RARB: variants seen among roughly 807,000 people sequenced by gnomAD.
RARB encodes the protein HBV-activated protein.
A neutral mutation model predicts 51.9 loss-of-function variants in RARB; 17 were observed. That is an observed-to-expected ratio of 0.33 (90% CI 0.22 to 0.49). RARB has a LOEUF of 0.49. Ranked by LOEUF, RARB falls within the 20% of genes least tolerant of loss-of-function variation. The probability of loss-of-function intolerance (pLI) is 0.99; values close to 1 mark genes in which losing one functional copy is unlikely to be tolerated. For synonymous variants in RARB, 215 were observed against 195.4 expected (o/e 1.10, Z -0.84); for missense variants, 369 against 550.8 (o/e 0.67, Z 3.30).
intron 2 of RARB, among the ~76,000 whole-genome samples, chr3:25,040,434 A>G (rs1192062393): frequency 6.6e-6 from 1 of 152,112 alleles, no homozygotes; most frequent in East Asian, 1.9e-4. Flanking sequence ...TCCTTGATAT[A>G]TTAGAATTCA....
At chr3:24,855,744 A>AT (rs34706427) in intron 1 of RARB, among the ~76,000 whole-genome samples, 23,505 of 110,112 alleles carry the variant, frequency 0.21, 3,792 homozygotes, top group East Asian at 0.56. Context: ...GGAAATCTGC[A>AT]TTTTTTTTTT....
chr3:24,902,043 A>G (rs1317130354), intron 2 of RARB, among the ~76,000 whole-genome samples: 2 of 151,736 alleles, frequency 1.3e-5, no homozygotes, highest in East Asian at 1.9e-4. Context: ...GAAAACATAC[A>G]TAAGGAAAGA....
chr3:25,250,816 T>A (rs1439353971), intron 5 of RARB, among the ~76,000 whole-genome samples: 1 of 152,228 alleles, frequency 6.6e-6, no homozygotes, highest in East Asian at 1.9e-4. Flanking sequence ...TTCAGGCAGC[T>A]CCCTGTGTTA....
intron 2 of RARB, among the ~76,000 whole-genome samples, chr3:24,874,067 T>G (rs544652451): frequency 1.3e-5 from 2 of 152,088 alleles, no homozygotes; most frequent in African/African-American, 2.4e-5. Flanking sequence ...ATTTGAAATA[T>G]ACGAGAGGAT....
At chr3:25,446,953 TGGC>T (rs1360671950) in intron 1 of RARB, among the ~76,000 whole-genome samples, 2 of 151,972 alleles carry the variant, frequency 1.3e-5, no homozygotes, top group East Asian at 3.8e-4. Flanking sequence ...TGTGTGACCT[TGGC>T]CAAGTCATTT....
At chr3:25,077,952 A>T (rs1002125328) in intron 3 of RARB, among the ~76,000 whole-genome samples, 1 of 151,952 alleles carries the variant, frequency 6.6e-6, no homozygotes, top group East Asian at 1.9e-4. Flanking sequence ...GAAGCTGACC[A>T]TTTTTTCCCA....
chr3:25,268,254 C>T (rs322704), intron 5 of RARB, among the ~76,000 whole-genome samples: 4,251 of 152,116 alleles, frequency 0.028, 78 homozygotes, highest in Non-Finnish European at 0.044. Flanking sequence ...GGTAGATCCA[C>T]CATTGAAGGG....
At chr3:25,081,600 TATATATATATATATATATATA>T (rs1334662444) in intron 3 of RARB, among the ~76,000 whole-genome samples, 4 of 18,332 alleles carry the variant, frequency 2.2e-4, no homozygotes, top group Non-Finnish European at 3.9e-4. Context: ...TATATATATA[TATATATATATATATATATATA>T]TTTTTTTTTT....
chr3:25,373,647 G>A (rs1478584814), intron 5 of RARB, among the ~76,000 whole-genome samples: 5 of 152,132 alleles, frequency 3.3e-5, no homozygotes, highest in Non-Finnish European at 7.3e-5. Flanking sequence ...ATAGTCTTAA[G>A]ATCTGTACTG....
chr3:25,210,502 C>G (rs976191145), intron 5 of RARB, among the ~76,000 whole-genome samples: 2 of 124,956 alleles, frequency 1.6e-5, no homozygotes, highest in Middle Eastern at 4.6e-3. Context: ...CATCTGACCC[C>G]TGAAAGCCTG....
intron 3 of RARB, among the ~76,000 whole-genome samples, chr3:25,084,396 A>G (rs1190777825): frequency 6.6e-6 from 1 of 152,128 alleles, no homozygotes; most frequent in South Asian, 2.1e-4. Flanking sequence ...CCATGGAAGT[A>G]TATACACAAG....
chr3:25,373,761 T>C (rs1706375496), intron 5 of RARB, among the ~76,000 whole-genome samples: 1 of 152,154 alleles, frequency 6.6e-6, no homozygotes, highest in Admixed American at 6.5e-5. Context: ...CTTCTAACTT[T>C]AAGAGCCCAT....
chr3:25,534,553 T>C (rs1031939386), intron 3 of RARB, among the ~76,000 whole-genome samples: 22 of 152,300 alleles, frequency 1.4e-4, no homozygotes, highest in African/African-American at 4.8e-4. Context: ...TATCTGGGTG[T>C]AACAGGTTCC....
chr3:25,224,890 C>T (rs1167429400), intron 5 of RARB, among the ~76,000 whole-genome samples: 1 of 152,112 alleles, frequency 6.6e-6, no homozygotes, highest in East Asian at 1.9e-4. Flanking sequence ...CAAGTGTCAG[C>T]CACAGTGCCA....
chr3:25,038,200 A>T (rs1261317272), intron 2 of RARB, among the ~76,000 whole-genome samples: 2 of 152,178 alleles, frequency 1.3e-5, no homozygotes, highest in African/African-American at 4.8e-5. Context: ...CATTTTTGTG[A>T]TGAAGGAATT....
chr3:24,978,196 A>G (rs1428160533), intron 2 of RARB, among the ~76,000 whole-genome samples: 1 of 151,482 alleles, frequency 6.6e-6, no homozygotes, highest in African/African-American at 2.5e-5. Flanking sequence ...CAACAGGGAT[A>G]TTGGCCTAAG....
chr3:25,121,670 T>C (rs1699784549), intron 3 of RARB, among the ~76,000 whole-genome samples: 1 of 152,200 alleles, frequency 6.6e-6, no homozygotes, highest in African/African-American at 2.4e-5. Flanking sequence ...GGATTTGGTA[T>C]GTATTTTGAT....
At chr3:24,994,094 G>A (rs1696971769) in intron 2 of RARB, among the ~76,000 whole-genome samples, 1 of 152,098 alleles carries the variant, frequency 6.6e-6, no homozygotes, top group Non-Finnish European at 1.5e-5. Context: ...GATCTCCATG[G>A]TGGCTGTACT....
At chr3:25,217,063 T>C (rs535706979) in intron 5 of RARB, among the ~76,000 whole-genome samples, 1 of 152,286 alleles carries the variant, frequency 6.6e-6, no homozygotes, top group South Asian at 2.1e-4. Flanking sequence ...TAATTGTCTT[T>C]CTTGGAAGCA....
Sources: gnomAD v4.1 joint callset for allele counts (sites outside exome capture counted in the v4.1 genomes callset) on GRCh38, gnomAD v4.1.1 for gene constraint, MANE v1.5 for transcripts, NCBI Gene and HGNC (gene_info 2026-07-23, HGNC 2026-07-21) for gene names.